The following RAB31 variants were observed in gnomAD, a reference collection of about 807,000 sequenced individuals.
The protein encoded by RAB31 is ras-related protein Rab-31.
A neutral mutation model predicts 25.6 loss-of-function variants in RAB31; 21 were observed. The observed-to-expected ratio is 0.82, with a 90% CI of 0.58 to 1.18. RAB31 has a LOEUF of 1.18. RAB31 is among the 50% of genes most tolerant of loss of function. The pLI, the probability that RAB31 is intolerant of heterozygous loss-of-function variation, is 0.00. For synonymous variants in RAB31, 87 were observed against 84.0 expected, an observed-to-expected ratio of 1.04 and a Z score of -0.20; for missense variants, 196 against 250.1, an observed-to-expected ratio of 0.78 and a Z score of 1.46.
Position 9,724,295 on chromosome 18 carries a change from AAAAC to A in RAB31, c.39+15853_39+15856del, listed in dbSNP as rs1568162632. On this transcript the variant is annotated intron_variant, in intron 1 of 6. Coordinates refer to ENST00000578921, the MANE Select transcript of RAB31 (RefSeq NM_006868.4). ...CAAAAAAAAAAAAAAAAACAAAAAA[AAAAC>A]ATTATTATTGAAATGATACTTCACA... 6.8e-3 allele frequency among the ~76,000 whole-genome samples: 1,021 copies of A among 150,614 alleles called. 21 individuals are homozygous for A. Among genetic ancestry groups the A allele is most frequent in the African/African-American group, 0.024 (955 of 40,408 alleles).
At chr18:9,791,802 C>G (rs1011414449) in intron 2 of RAB31, among the ~76,000 whole-genome samples, 4 of 152,114 alleles carry the variant, frequency 2.6e-5, no homozygotes, top group African/African-American at 9.7e-5. Context: ...GACAGGGTTT[C>G]ACCATATTGG....
chr18:9,710,727 G>A (rs1239663946), intron 1 of RAB31, among the ~76,000 whole-genome samples: 8 of 152,028 alleles, frequency 5.3e-5, no homozygotes, highest in African/African-American at 9.7e-5. Context: ...CGGTAGCGGC[G>A]CATGCTTGTA....
At chr18:9,855,831 T>C (rs1310519423) in intron 6 of RAB31, among the ~76,000 whole-genome samples, 1 of 152,132 alleles carries the variant, frequency 6.6e-6, no homozygotes, top group African/African-American at 2.4e-5. Flanking sequence ...ACCCTGAGAA[T>C]TGACCGTGAC....
At chr18:9,797,736 G>A (rs1000615359) in intron 3 of RAB31, among the ~76,000 whole-genome samples, 1 of 152,106 alleles carries the variant, frequency 6.6e-6, no homozygotes, top group Non-Finnish European at 1.5e-5. Flanking sequence ...ATATCTCTAC[G>A]TGATTGATAA....
Position 9,861,613 on chromosome 18 carries a change from C to T in RAB31, c.*2288C>T, listed in dbSNP as rs1359666536. ...CTTTGTTTTGGCTCGGGATTACTTC[C>T]TGGCTGTCTAATAATTGAACCATAA... On this transcript the variant is annotated 3_prime_UTR_variant, in exon 7 of 7. Transcript: ENST00000578921. 1.3e-5 allele frequency: 2 copies of T among 152,190 alleles called. No individual in the cohort carries two copies. The highest frequency in any genetic ancestry group is 2.4e-5 in the African/African-American group (1 of 41,434). 9.4% of individuals were successfully genotyped at this position (152,190 alleles called of 1,614,324 possible).
chr18:9,836,556 T>C (rs1205639192), intron 5 of RAB31, among the ~76,000 whole-genome samples: 2 of 152,216 alleles, frequency 1.3e-5, no homozygotes, highest in Admixed American at 6.5e-5. Context: ...TAGTCCCCCC[T>C]ACAAGAATCA....
chr18:9,777,836 C>T (rs1254240290), intron 2 of RAB31, among the ~76,000 whole-genome samples: 3 of 149,614 alleles, frequency 2.0e-5, no homozygotes, highest in African/African-American at 7.5e-5. Flanking sequence ...CTCACTGCAA[C>T]CTCCGCCTCC....
intron 1 of RAB31, among the ~76,000 whole-genome samples, chr18:9,713,785 C>T (rs2068029714): frequency 6.6e-6 from 1 of 152,212 alleles, no homozygotes; most frequent in Non-Finnish European, 1.5e-5. Flanking sequence ...AAGTCTAAGA[C>T]CAAGGCGCTG....
At chr18:9,841,529 A>G (rs1162309326) in intron 5 of RAB31, among the ~76,000 whole-genome samples, 3 of 111,514 alleles carry the variant, frequency 2.7e-5, no homozygotes, top group Non-Finnish European at 5.3e-5. Context: ...ATAGAGTGAG[A>G]CTCTGTCTCA....
chr18:9,758,469 T>C (rs2068271279), intron 1 of RAB31, among the ~76,000 whole-genome samples: 1 of 152,018 alleles, frequency 6.6e-6, no homozygotes, highest in South Asian at 2.1e-4. Flanking sequence ...CCCTTCTCCA[T>C]TCACCAGTCC....
intron 6 of RAB31, among the ~76,000 whole-genome samples, chr18:9,853,449 A>G (rs2068799017): frequency 1.3e-5 from 2 of 152,238 alleles, no homozygotes; most frequent in African/African-American, 4.8e-5. Context: ...TACACACTGT[A>G]TGACTCCAAC....
chr18:9,810,056 A>C (rs1440592682), intron 3 of RAB31, among the ~76,000 whole-genome samples: 1 of 152,200 alleles, frequency 6.6e-6, no homozygotes, highest in Non-Finnish European at 1.5e-5. Context: ...ATAAACAGCT[A>C]TTTCTTTTGA....
At chr18:9,849,278 A>C (rs593432) in intron 6 of RAB31, among the ~76,000 whole-genome samples, 106,006 of 152,002 alleles carry the variant, frequency 0.7, 37,042 homozygotes, top group East Asian at 0.8. Flanking sequence ...TCTTCTAGGG[A>C]GATTGCAAGT....
chr18:9,827,721 G>A (rs1040929398), intron 5 of RAB31, among the ~76,000 whole-genome samples: 2 of 152,140 alleles, frequency 1.3e-5, no homozygotes, highest in African/African-American at 4.8e-5. Context: ...AAATAGGGTA[G>A]GGTAGGAGGA....
intron 6 of RAB31, among the ~76,000 whole-genome samples, chr18:9,851,236 C>T (rs551203043): frequency 7.9e-5 from 12 of 152,280 alleles, no homozygotes; most frequent in Non-Finnish European, 1.5e-4. Context: ...AGTGGACAGA[C>T]TTTCTTACAC....
rs1054505305 is a variant in RAB31, at chr18:9,861,847, G to C, written c.*2522G>C. Reference sequence around the variant, plus strand: ...GTAATCCATTTCACTGGCTGAGTTTGGCCCCTAGCCATGTGTTAATATAAA... The same window carrying C: ...GTAATCCATTTCACTGGCTGAGTTTCGCCCCTAGCCATGTGTTAATATAAA... On this transcript the variant is annotated 3_prime_UTR_variant, in exon 7 of 7. Coordinates refer to ENST00000578921, the MANE Select transcript of RAB31 (RefSeq NM_006868.4). 6.6e-6 allele frequency: 1 copy of C among 152,306 alleles called. No individual in the cohort carries two copies. Among genetic ancestry groups the C allele is most frequent in the Non-Finnish European group, 1.5e-5 (1 of 68,016 alleles). 9.4% of individuals were successfully genotyped at this position (152,306 alleles called of 1,614,324 possible). A position where few individuals can be genotyped will look rare whatever the true frequency, so the allele number is the denominator to read the frequency against.
intron 3 of RAB31, among the ~76,000 whole-genome samples, chr18:9,805,636 C>A (rs2068536387): frequency 6.6e-6 from 1 of 152,218 alleles, no homozygotes; most frequent in African/African-American, 2.4e-5. Context: ...ACATGGACCT[C>A]TTTGGGGGAC....
rs770020892 is a variant in RAB31, at chr18:9,775,311, C to T, written c.73C>T (p.Arg25Ter). Residue 25 changes from arginine to a stop codon, truncating the protein, a stop_gained, in exon 2 of 7, where the codon CGA (arginine) becomes TGA (stop). Transcript: ENST00000578921. LOFTEE classifies it high-confidence loss of function. Reference sequence around the variant, plus strand: ...GGTTGGGAAATCAAGCATCGTGTGTCGATTTGTCCAGGATCACTTTGACCA... The same window carrying T: ...GGTTGGGAAATCAAGCATCGTGTGTTGATTTGTCCAGGATCACTTTGACCA... ...TGVGKSSIVC[R>*]FVQDHFDHNI... 19 of 1,613,682 alleles carry T rather than the reference C, an allele frequency of 1.2e-5. No homozygotes were observed. In the South Asian group the frequency reaches 1.4e-4, roughly 12 times the overall value.
intron 1 of RAB31, among the ~76,000 whole-genome samples, chr18:9,756,870 A>C (rs2068262510): frequency 6.6e-6 from 1 of 152,236 alleles, no homozygotes. Flanking sequence ...CATTGCCCTC[A>C]GAACAAAGTT....
Sources: gnomAD v4.1 joint callset for allele counts (sites outside exome capture counted in the v4.1 genomes callset) on GRCh38, gnomAD v4.1.1 for gene constraint, MANE v1.5 for transcripts, NCBI Gene and HGNC (gene_info 2026-07-23, HGNC 2026-07-21) for gene names.